Variants in C10orf143 observed in about 807,000 individuals in gnomAD.
C10orf143 encodes the protein chromosome 10 open reading frame 143.
At position 130,079,576 on chromosome 10, in the gene C10orf143, G is replaced by A. The variant is rs1212740292; in HGVS notation, c.287C>T (p.Ala96Val). Reference sequence around the variant, plus strand: ...GGTTAATGCACTTACAGATTCCCCTGCAATACATCTTGGGCAAGGCTGGGC... The same window carrying A: ...GGTTAATGCACTTACAGATTCCCCTACAATACATCTTGGGCAAGGCTGGGC... ...SSAQPCPRCI[A>V]GESGHFSHTK... Residue 96 changes from alanine (A) to valine (V), a missense_variant, in exon 3 of 4, where the codon GCA becomes GTA. By Grantham distance (64) the Ala-to-Val change is moderately conservative. Coordinates refer to ENST00000637128, the MANE Select transcript of C10orf143 (RefSeq NM_001355042.2). The A allele has an allele frequency of 2.5e-6, 1 of 398,892 alleles. No homozygotes were observed. The highest frequency in any genetic ancestry group is 4.4e-6 in the Non-Finnish European group (1 of 226,076). 24.7% of individuals were successfully genotyped at this position (398,892 alleles called of 1,614,324 possible). A position where few individuals can be genotyped will look rare whatever the true frequency, so the allele number is the denominator to read the frequency against.
chr10:130,055,671 C>G (rs1305896807), intron 3 of C10orf143, among the ~76,000 whole-genome samples: 2 of 152,286 alleles, frequency 1.3e-5, no homozygotes, highest in South Asian at 2.1e-4. Context: ...CCTGGCCGGG[C>G]ACGGTGGCTC....
intron 1 of C10orf143, among the ~76,000 whole-genome samples, chr10:130,087,869 T>A (rs776721124): frequency 2.0e-5 from 3 of 152,174 alleles, no homozygotes; most frequent in Non-Finnish European, 4.4e-5. Context: ...TCTGCCATGC[T>A]GGCAGCCTCC....
intron 3 of C10orf143, among the ~76,000 whole-genome samples, chr10:130,049,324 G>A (rs751599031): frequency 2.0e-5 from 3 of 152,210 alleles, no homozygotes; most frequent in Admixed American, 1.3e-4. Context: ...AGGGAACACT[G>A]TGCAGGGGCC....
chr10:130,048,216 C>G (rs1048162849), intron 3 of C10orf143, among the ~76,000 whole-genome samples: 1 of 152,188 alleles, frequency 6.6e-6, no homozygotes, highest in African/African-American at 2.4e-5. Flanking sequence ...GTCTGGGGGT[C>G]AGCTGTCCAG....
intron 3 of C10orf143, among the ~76,000 whole-genome samples, chr10:130,045,172 A>G (rs548420157): frequency 2.6e-5 from 4 of 152,326 alleles, no homozygotes; most frequent in African/African-American, 9.6e-5. Context: ...AGGGCAAGGA[A>G]CAGCTTTGTC....
chr10:130,086,265 C>T (rs77105986), intron 1 of C10orf143, among the ~76,000 whole-genome samples: 3,848 of 152,288 alleles, frequency 0.025, 67 homozygotes, highest in Middle Eastern at 0.041. Flanking sequence ...TCCACACAAA[C>T]GTACTCTCTC....
intron 1 of C10orf143, chr10:130,105,117 A>T (rs994220858): frequency 1.3e-5 from 2 of 152,128 alleles, no homozygotes; most frequent in African/African-American, 4.8e-5. Flanking sequence ...TAGTAGAGAC[A>T]GGGTTTCACC....
intron 3 of C10orf143, among the ~76,000 whole-genome samples, chr10:130,046,356 T>TC (rs1860672891): frequency 6.6e-6 from 1 of 151,676 alleles, no homozygotes; most frequent in Non-Finnish European, 1.5e-5. Context: ...GCCCAGCGCC[T>TC]CCCCCGGGAC....
intron 3 of C10orf143, among the ~76,000 whole-genome samples, chr10:130,070,683 T>C (rs1396448540): frequency 6.6e-6 from 1 of 152,226 alleles, no homozygotes; most frequent in Non-Finnish European, 1.5e-5. Flanking sequence ...AATGTTTTTA[T>C]TCCTTTAGTA....
chr10:130,049,108 C>T (rs1462642236), intron 3 of C10orf143, among the ~76,000 whole-genome samples: 5 of 152,200 alleles, frequency 3.3e-5, no homozygotes, highest in Non-Finnish European at 7.3e-5. Flanking sequence ...CCCAGGTTTA[C>T]CCCTGAGAGA....
chr10:130,055,972 A>G (rs964071234), intron 3 of C10orf143, among the ~76,000 whole-genome samples: 13 of 150,844 alleles, frequency 8.6e-5, no homozygotes, highest in African/African-American at 3.2e-4. Flanking sequence ...AAAAAAAAAA[A>G]AAAAAAAGAA....
intron 3 of C10orf143, among the ~76,000 whole-genome samples, chr10:130,064,634 C>T (rs1222208978): frequency 1.3e-5 from 2 of 152,172 alleles, no homozygotes; most frequent in East Asian, 1.9e-4. Flanking sequence ...CCCTTCTTTC[C>T]TATAGTACTT....
At chr10:130,104,472 C>A (rs1352688372) in intron 1 of C10orf143, 1 of 152,162 alleles carries the variant, frequency 6.6e-6, no homozygotes, top group East Asian at 1.9e-4. Flanking sequence ...AGGCTGGGAA[C>A]AGAAGTAAGA....
At chr10:130,080,095 T>G (rs966813755) in intron 1 of C10orf143, among the ~76,000 whole-genome samples, 194 bp from the exon 2 acceptor site, 1 of 152,258 alleles carries the variant, frequency 6.6e-6, no homozygotes, top group African/African-American at 2.4e-5. Flanking sequence ...ACCTCATTAT[T>G]TCTTGCATTG....
chr10:130,088,162 C>G (rs1374089720), intron 1 of C10orf143, among the ~76,000 whole-genome samples: 1 of 152,208 alleles, frequency 6.6e-6, no homozygotes, highest in Admixed American at 6.5e-5. Flanking sequence ...GCGGGTGGAT[C>G]ACCTGAGATC....
intron 3 of C10orf143, among the ~76,000 whole-genome samples, chr10:130,038,009 C>A (rs1285539711): frequency 6.6e-6 from 1 of 152,158 alleles, no homozygotes; most frequent in Non-Finnish European, 1.5e-5. Context: ...GTACAGAGAC[C>A]GTCTGGAGAG....
intron 3 of C10orf143, among the ~76,000 whole-genome samples, chr10:130,070,792 C>T (rs183814813): frequency 3.9e-5 from 6 of 152,270 alleles, no homozygotes; most frequent in South Asian, 4.1e-4. Context: ...TTGATTTGAT[C>T]CATTTTCACT....
At chr10:130,097,414 G>A (rs911060903) in intron 1 of C10orf143, among the ~76,000 whole-genome samples, 5 of 152,082 alleles carry the variant, frequency 3.3e-5, no homozygotes, top group Admixed American at 6.6e-5. Flanking sequence ...AAAAACTGCA[G>A]TGAGATACTG....
intron 1 of C10orf143, among the ~76,000 whole-genome samples, chr10:130,100,039 T>C (rs900131727): frequency 4.0e-5 from 6 of 151,478 alleles, no homozygotes; most frequent in South Asian, 4.2e-4. Flanking sequence ...GGTTTCACCA[T>C]GTTGGCCAGG....
Sources: gnomAD v4.1 joint callset for allele counts (sites outside exome capture counted in the v4.1 genomes callset) on GRCh38, gnomAD v4.1.1 for gene constraint, MANE v1.5 for transcripts, NCBI Gene and HGNC (gene_info 2026-07-23, HGNC 2026-07-21) for gene names.